The following NARS2 variants were observed in gnomAD, a reference collection of about 807,000 sequenced individuals.
The protein encoded by NARS2 is asparaginyl-tRNA synthetase.
NARS2 carries 60 observed loss-of-function variants against 62.9 expected under a neutral mutation model. That is an observed-to-expected ratio of 0.95 (90% CI 0.77 to 1.18). The LOEUF is 1.18. Ranked by LOEUF, NARS2 falls within the 50% of genes most tolerant of loss-of-function variation. The probability of loss-of-function intolerance (pLI) is 0.00; values close to 1 mark genes in which losing one functional copy is unlikely to be tolerated. For synonymous variants in NARS2, 196 were observed against 200.0 expected, an observed-to-expected ratio of 0.98 and a Z score of 0.17; for missense variants, 619 against 576.4, an observed-to-expected ratio of 1.07 and a Z score of -0.76.
At chr11:78,446,263 A>G (rs7950756) in intron 11 of NARS2, among the ~76,000 whole-genome samples, 49,876 of 152,010 alleles carry the variant, frequency 0.33, 10,379 homozygotes, top group African/African-American at 0.58. Flanking sequence ...TCAAGATTGT[A>G]CCCCCAGTGC....
intron 6 of NARS2, among the ~76,000 whole-genome samples, chr11:78,502,671 T>C (rs1484911794): frequency 2.6e-5 from 4 of 152,186 alleles, no homozygotes; most frequent in Non-Finnish European, 5.9e-5. Flanking sequence ...TTATCTTATG[T>C]GTATTTTGCC....
chr11:78,545,138 T>C (rs1464159550), intron 5 of NARS2, among the ~76,000 whole-genome samples: 1 of 152,208 alleles, frequency 6.6e-6, no homozygotes, highest in Non-Finnish European at 1.5e-5. Flanking sequence ...TTTTCTTTCT[T>C]TTTTATATTA....
At chr11:78,446,644 T>C (rs767285372) in intron 11 of NARS2, among the ~76,000 whole-genome samples, 2 of 152,152 alleles carry the variant, frequency 1.3e-5, no homozygotes, top group Non-Finnish European at 2.9e-5. Flanking sequence ...TGAGAAACAG[T>C]ATCCTTGAAA....
At chr11:78,454,792 G>A (rs12274311) in intron 11 of NARS2, among the ~76,000 whole-genome samples, 1 of 151,822 alleles carries the variant, frequency 6.6e-6, no homozygotes, top group African/African-American at 2.4e-5. Context: ...CTAATTTTTC[G>A]TATTTTTAGT....
Position 78,446,083 on chromosome 11 carries a change from T to C in NARS2, c.1165-2325A>G, listed in dbSNP as rs531052309. Among the ~76,000 whole-genome samples the C allele has an allele frequency of 2.0e-5, 3 of 152,294 alleles. No individual in the cohort carries two copies. In the East Asian group the frequency reaches 5.8e-4, roughly 29 times the overall value. ...AAAAACTAAGATTTCATGTAACAAA[T>C]GAAAAATGAGAAATCCATAAAACAC... On this transcript the variant is annotated intron_variant, in intron 11 of 13. Transcript: ENST00000281038.
chr11:78,517,839 G>A (rs985076647), intron 6 of NARS2, among the ~76,000 whole-genome samples: 11 of 152,146 alleles, frequency 7.2e-5, no homozygotes, highest in African/African-American at 2.4e-4. Context: ...CATTTATACC[G>A]ATAGTCTGTT....
chr11:78,482,754 C>T (rs188790000), intron 7 of NARS2, among the ~76,000 whole-genome samples: 1 of 152,190 alleles, frequency 6.6e-6, no homozygotes, highest in East Asian at 1.9e-4. Context: ...TAATCAATAG[C>T]CTACCAACCA....
chr11:78,573,657 A>T (rs1439264875), intron 1 of NARS2: 1 of 152,286 alleles, frequency 6.6e-6, no homozygotes, highest in African/African-American at 2.4e-5. Flanking sequence ...CAAGAGAAAC[A>T]ATAGCAGCTA....
In NARS2 at chr11:78,439,152, C is replaced by T. The variant is rs543955307; in HGVS notation, c.1289+1939G>A. 2.6e-5 allele frequency among the ~76,000 whole-genome samples: 4 copies of T among 152,254 alleles called. No individual in the cohort carries two copies. The South Asian group carries it at 8.3e-4, about 32-fold the overall frequency. On this transcript the variant is annotated intron_variant, in intron 13 of 13. Coordinates refer to ENST00000281038, the MANE Select transcript of NARS2 (RefSeq NM_024678.6). ...TCCCAGGTTCAAGCGATTCTCCTGC[C>T]TCAGCCTCCGGAGTAGCTGGGAATA... is the stretch of plus-strand genomic sequence containing the variant.
intron 7 of NARS2, among the ~76,000 whole-genome samples, chr11:78,482,358 A>C (rs1332461685): frequency 1.3e-5 from 2 of 152,186 alleles, no homozygotes; most frequent in East Asian, 1.9e-4. Flanking sequence ...AGAGCAAACA[A>C]ATTCAAAAGC....
intron 6 of NARS2, among the ~76,000 whole-genome samples, chr11:78,518,933 G>A (rs1481536795): frequency 1.3e-5 from 2 of 152,160 alleles, no homozygotes. Context: ...TATTTCAGTT[G>A]AGCCTTTAGG....
intron 11 of NARS2, among the ~76,000 whole-genome samples, chr11:78,449,241 T>C (rs1857877982): frequency 1.3e-5 from 2 of 151,234 alleles, no homozygotes; most frequent in African/African-American, 2.4e-5. Flanking sequence ...GTTCATGCTA[T>C]TCTCCTGCCT....
chr11:78,514,449 T>C (rs1860832667), intron 6 of NARS2, among the ~76,000 whole-genome samples: 1 of 152,130 alleles, frequency 6.6e-6, no homozygotes, highest in Non-Finnish European at 1.5e-5. Context: ...AGTGCAAAAA[T>C]TGCCTAACAC....
At chr11:78,526,057 G>C (rs1348013733) in intron 6 of NARS2, among the ~76,000 whole-genome samples, 22 of 152,122 alleles carry the variant, frequency 1.4e-4, no homozygotes, top group Admixed American at 1.1e-3. Context: ...TTGGATCCTG[G>C]AAAAAGAATA....
intron 11 of NARS2, among the ~76,000 whole-genome samples, chr11:78,445,645 A>T (rs538287958): frequency 3.7e-4 from 57 of 152,192 alleles, no homozygotes; most frequent in East Asian, 3.1e-3. Flanking sequence ...AATTAAAAAA[A>T]TTTTTTTTAA....
At chr11:78,564,984 C>T (rs1053609185) in intron 4 of NARS2, among the ~76,000 whole-genome samples, 7 of 152,188 alleles carry the variant, frequency 4.6e-5, no homozygotes, top group African/African-American at 1.7e-4. Flanking sequence ...ACCACTATTA[C>T]ACAACCTCTG....
chr11:78,493,000 A>G, intron 7 of NARS2, 63 bp downstream of exon 7: 1 of 1,457,998 alleles, frequency 6.9e-7, no homozygotes, highest in Non-Finnish European at 9.3e-7. Context: ...GTCCGAGGTA[A>G]AAATATATAC....
intron 6 of NARS2, among the ~76,000 whole-genome samples, chr11:78,518,604 G>A (rs1013257379): frequency 5.3e-5 from 8 of 151,686 alleles, no homozygotes; most frequent in African/African-American, 1.9e-4. Context: ...TGCAAGCTCC[G>A]CCTCCTGGGT....
intron 5 of NARS2, among the ~76,000 whole-genome samples, chr11:78,534,323 G>A (rs1264537582): frequency 6.6e-6 from 1 of 152,174 alleles, no homozygotes; most frequent in Non-Finnish European, 1.5e-5. Context: ...CCGCTCAATA[G>A]GTACATAGTG....
Sources: allele counts gnomAD v4.1 joint callset (sites outside exome capture counted in the v4.1 genomes callset), GRCh38; gene constraint gnomAD v4.1.1; transcripts MANE v1.5; gene names NCBI Gene and HGNC (gene_info 2026-07-23, HGNC 2026-07-21).